Variants in OTOGL observed in about 807,000 individuals in gnomAD.
The protein encoded by OTOGL is otogelin-like protein.
Under a neutral mutation model 318.5 loss-of-function variants are expected in OTOGL, and 285 were observed. That is an observed-to-expected ratio of 0.89 (90% CI 0.81 to 0.99). The LOEUF is 0.99. OTOGL is among the 50% of genes least tolerant of loss of function. OTOGL has a pLI of 0.00. For missense variants in OTOGL, 2,899 were observed against 2,845.6 expected (o/e 1.02, Z -0.43); for synonymous variants, 987 against 936.5 (o/e 1.05, Z -0.99).
intron 7 of OTOGL, among the ~76,000 whole-genome samples, chr12:80,223,036 C>T (rs1878502926): frequency 6.6e-6 from 1 of 151,978 alleles, no homozygotes; most frequent in Non-Finnish European, 1.5e-5. Context: ...CCTCATCACC[C>T]CCCAGCCTTT....
intron 44 of OTOGL, among the ~76,000 whole-genome samples, chr12:80,351,236 C>G (rs1390589270): frequency 6.6e-6 from 1 of 151,058 alleles, no homozygotes. Context: ...GGATTTATTT[C>G]TGGGTCTCTG....
chr12:80,137,167 T>G (rs1871630117), intron 1 of OTOGL, among the ~76,000 whole-genome samples: 1 of 152,182 alleles, frequency 6.6e-6, no homozygotes, highest in African/African-American at 2.4e-5. Flanking sequence ...TTTATTCTAT[T>G]AAGTCAGTTG....
chr12:80,160,912 C>A (rs114828972), intron 1 of OTOGL, among the ~76,000 whole-genome samples: 5,461 of 152,052 alleles, frequency 0.036, 116 homozygotes, highest in South Asian at 0.088. Flanking sequence ...CAAAAAGGAA[C>A]AAATTAATGG....
chr12:80,223,395 T>G (rs1388052025), intron 7 of OTOGL, among the ~76,000 whole-genome samples: 2 of 152,044 alleles, frequency 1.3e-5, no homozygotes, highest in Non-Finnish European at 2.9e-5. Context: ...AACATGTGTA[T>G]GCAGGTATCT....
Position 80,229,388 on chromosome 12 carries a change from G to A in OTOGL, c.611+10G>A. The A allele has an allele frequency of 6.3e-7, 1 of 1,591,574 alleles. No homozygotes were observed. The highest frequency in any genetic ancestry group is 8.5e-7 in the Non-Finnish European group (1 of 1,173,146). On this transcript the variant is annotated intron_variant, in intron 8 of 58. Transcript: ENST00000547103. ...AAAAGAATGGAATCAGGTAGGATATGGGAAACAGTGAAATGTCAGTAACAC... is the reference window on the plus strand; with the variant it reads ...AAAAGAATGGAATCAGGTAGGATATAGGAAACAGTGAAATGTCAGTAACAC...
chr12:80,283,468 A>T (rs1884383851), intron 26 of OTOGL, among the ~76,000 whole-genome samples: 1 of 151,994 alleles, frequency 6.6e-6, no homozygotes, highest in Admixed American at 6.6e-5. Flanking sequence ...TTGTGTTTAT[A>T]GTCATAACAT....
At position 80,358,543 on chromosome 12, in the gene OTOGL, G is replaced by A. The variant is rs375801350; in HGVS notation, c.6122-128G>A. ...CTTCACCAACACATGGCAATCTGAC[G>A]GTGGGAGAGGTAGCACTTGGGAAAT... On this transcript the variant is annotated intron_variant, in intron 50 of 58. Coordinates refer to ENST00000547103, the MANE Select transcript of OTOGL (RefSeq NM_001378609.3). 5 of 846,176 alleles carry A rather than the reference G, an allele frequency of 5.9e-6. No homozygotes were observed. The African/African-American group carries it at 6.9e-5, about 12-fold the overall frequency. 52.4% of individuals were successfully genotyped at this position (846,176 alleles called of 1,614,324 possible).
intron 38 of OTOGL, among the ~76,000 whole-genome samples, chr12:80,333,463 A>G (rs2137898788): frequency 6.6e-6 from 1 of 152,138 alleles, no homozygotes; most frequent in Non-Finnish European, 1.5e-5. Context: ...TCCTAGAACT[A>G]GTAGTTTTCT....
At chr12:80,270,252 C>T in intron 23 of OTOGL, 98 bp downstream of exon 23, 1 of 971,220 alleles carries the variant, frequency 1.0e-6, no homozygotes, top group Non-Finnish European at 1.6e-6. Context: ...TCCCAATGTG[C>T]ATGGCTATAG....
chr12:80,356,736 AAG>A, intron 48 of OTOGL, 69 bp from the exon 49 acceptor site: 1 of 852,698 alleles, frequency 1.2e-6, no homozygotes, highest in Non-Finnish European at 1.7e-6. Context: ...ACTAAATTCA[AAG>A]AGAGGTAAAC....
Position 80,252,213 on chromosome 12 carries a change from A to G in OTOGL, c.1285+12A>G. 6.3e-7 allele frequency: 1 copy of G among 1,595,584 alleles called. No homozygotes were observed. On this transcript the variant is annotated intron_variant, in intron 13 of 58. Coordinates refer to ENST00000547103, the MANE Select transcript of OTOGL (RefSeq NM_001378609.3). ...TTACTGCCCAGATGGTAAGTGCTTC[A>G]TGAAGAAACCATGTCTGCACTCATG...
At chr12:80,236,877 C>T (rs1490281590) in intron 9 of OTOGL, among the ~76,000 whole-genome samples, 9 of 147,688 alleles carry the variant, frequency 6.1e-5, no homozygotes, top group East Asian at 2.0e-4. Context: ...TGCAGTGGCG[C>T]GATCTTGGCT....
chr12:80,318,653 C>T lies in OTOGL; in HGVS notation c.3742C>T (p.His1248Tyr). 6.9e-7 allele frequency: 1 copy of T among 1,452,468 alleles called. No individual in the cohort carries two copies. Among genetic ancestry groups the T allele is most frequent in the Non-Finnish European group, 9.1e-7 (1 of 1,099,256 alleles). 90.0% of individuals were successfully genotyped at this position (1,452,468 alleles called of 1,614,324 possible). The change falls in exon 33 of 59, where the codon CAT (histidine) becomes TAT (tyrosine). Residue 1248 changes from histidine (H) to tyrosine (Y), a missense_variant. Physicochemically the swap from His to Tyr is moderately conservative, Grantham distance 83. This residue lies in a region of OTOGL where 2,607 missense variants were observed against 2,524.9 expected (regional missense o/e 1.03). Coordinates refer to ENST00000547103, the MANE Select transcript of OTOGL (RefSeq NM_001378609.3). ...TTTCTGTTTGCCGAGAAGCAGTGTTCATACCAGTTTATTTTTTTATTTTAT... is the reference window on the plus strand; with the variant it reads ...TTTCTGTTTGCCGAGAAGCAGTGTTTATACCAGTTTATTTTTTTATTTTAT... ...SVFCLPRSSV[H>Y]TSLFFYFMIT...
chr12:80,379,820 A>C lies in OTOGL; in HGVS notation c.*1772A>C, dbSNP rs959735184. 1.3e-5 allele frequency: 2 copies of C among 152,010 alleles called. No individual in the cohort carries two copies. The highest frequency in any genetic ancestry group is 4.8e-5 in the African/African-American group (2 of 41,432). 9.4% of individuals were successfully genotyped at this position (152,010 alleles called of 1,614,324 possible). A position where few individuals can be genotyped will look rare whatever the true frequency, so the allele number is the denominator to read the frequency against. ...CATTCAACAAATACAGCAAATAAGC[A>C]TTTAGGGCCTACATGTGCCAGGCAC... On this transcript the variant is annotated 3_prime_UTR_variant, in exon 59 of 59. Transcript: ENST00000547103.
At chr12:80,198,297 T>A (rs1295405182) in intron 1 of OTOGL, among the ~76,000 whole-genome samples, 2 of 152,148 alleles carry the variant, frequency 1.3e-5, no homozygotes, top group Admixed American at 6.5e-5. Flanking sequence ...AGTTTAAAAA[T>A]AATTACCTGG....
rs1310619098 is a variant in OTOGL, at chr12:80,145,089, T to G, written c.-20+45484T>G. On this transcript the variant is annotated intron_variant, in intron 1 of 58. Coordinates refer to ENST00000547103, the MANE Select transcript of OTOGL (RefSeq NM_001378609.3). ...GATCCCATTTGTCAATTTTGTCTTTTGTTGCCATTGCTTTTGGTGTTTTAG... is the reference window on the plus strand; with the variant it reads ...GATCCCATTTGTCAATTTTGTCTTTGGTTGCCATTGCTTTTGGTGTTTTAG... 5.3e-5 allele frequency among the ~76,000 whole-genome samples: 8 copies of G among 151,792 alleles called. No individual in the cohort carries two copies. The East Asian group carries it at 1.4e-3, about 26-fold the overall frequency.
intron 9 of OTOGL, among the ~76,000 whole-genome samples, chr12:80,237,120 G>A (rs1879937383): frequency 6.6e-6 from 1 of 151,896 alleles, no homozygotes; most frequent in Non-Finnish European, 1.5e-5. Flanking sequence ...CAGCCTGAAA[G>A]CCCTGGGATT....
In OTOGL at chr12:80,229,309, T is replaced by C. The variant is rs1186994786; in HGVS notation, c.542T>C (p.Ile181Thr). 6.3e-7 allele frequency: 1 copy of C among 1,596,300 alleles called. No individual in the cohort carries two copies. The highest frequency in any genetic ancestry group is 1.1e-5 in the South Asian group (1 of 91,022). ...TCGGTGTATTCTTGTTATCGGTCAA[T>C]CAGCTTGTTCTTTTCAAACCAAGAG... ...LGSVYSCYRSISLFFSNQEEI... is the reference protein window; with the variant it reads ...LGSVYSCYRSTSLFFSNQEEI... The change falls in exon 8 of 59, where the codon ATC (isoleucine) becomes ACC (threonine). Residue 181 changes from isoleucine to threonine, a missense_variant. By Grantham distance (89) the Ile-to-Thr change is moderately conservative. Transcript: ENST00000547103.
At chr12:80,121,538 C>G (rs1401484673) in intron 1 of OTOGL, among the ~76,000 whole-genome samples, 2 of 152,086 alleles carry the variant, frequency 1.3e-5, no homozygotes, top group African/African-American at 4.8e-5. Flanking sequence ...AAACTGGATT[C>G]ATACAGTTTA....
Sources: gnomAD v4.1 joint callset for allele counts (sites outside exome capture counted in the v4.1 genomes callset) on GRCh38, gnomAD v4.1.1 for gene constraint, gnomAD v4.1.1 regional missense constraint, MANE v1.5 for transcripts, NCBI Gene and HGNC (gene_info 2026-07-23, HGNC 2026-07-21) for gene names.